NUDCD1: variants seen among roughly 807,000 people sequenced by gnomAD.
The protein encoded by NUDCD1 is NudC domain containing 1, also known as nudC domain-containing protein 1.
A neutral mutation model predicts 67.8 loss-of-function variants in NUDCD1; 60 were observed. The observed-to-expected ratio is 0.88, with a 90% confidence interval of 0.72 to 1.10. The LOEUF (loss-of-function observed/expected upper bound fraction) is 1.10, where lower values mean the gene tolerates loss of function less well. Among genes scored for constraint, NUDCD1 ranks in the 50% least tolerant of loss-of-function variants. The probability of loss-of-function intolerance (pLI) is 0.00; values close to 1 mark genes in which losing one functional copy is unlikely to be tolerated. For missense variants in NUDCD1, 643 were observed against 695.0 expected (o/e 0.93, Z 0.84); for synonymous variants, 244 against 230.8 (o/e 1.06, Z -0.52).
At chr8:109,245,719 C>T (rs1218410501) in intron 8 of NUDCD1, among the ~76,000 whole-genome samples, 1 of 152,118 alleles carries the variant, frequency 6.6e-6, no homozygotes, top group East Asian at 1.9e-4. Context: ...GTCAGCCTGG[C>T]CATAAGTCAT....
intron 2 of NUDCD1, 45 bp downstream of exon 2, chr8:109,322,264 G>A (rs1273885193): frequency 1.9e-6 from 2 of 1,065,022 alleles, no homozygotes; most frequent in Admixed American, 2.2e-5. Context: ...AAATTTGCTT[G>A]ATATTACATA....
chr8:109,266,540 G>A (rs567590304), intron 8 of NUDCD1, among the ~76,000 whole-genome samples: 8 of 151,856 alleles, frequency 5.3e-5, no homozygotes, highest in East Asian at 1.9e-4. Context: ...CACCTCGCCC[G>A]GCTATTTGTA....
chr8:109,282,936 A>G (rs931613451), intron 5 of NUDCD1, among the ~76,000 whole-genome samples: 3 of 152,182 alleles, frequency 2.0e-5, no homozygotes, highest in Non-Finnish European at 4.4e-5. Flanking sequence ...CTTTCTAGAA[A>G]TGGTCCTTAA....
chr8:109,283,607 GGA>G (rs1049410794), intron 5 of NUDCD1, among the ~76,000 whole-genome samples: 5 of 152,206 alleles, frequency 3.3e-5, no homozygotes, highest in South Asian at 2.1e-4. Context: ...TCACAAGCCA[GGA>G]GAGATTGAGA....
rs911168204 is a variant in NUDCD1 at position 109,303,917 on chromosome 8, G to A, written c.274-7348C>T. On this transcript the variant is annotated intron_variant, in intron 2 of 9. Coordinates refer to ENST00000239690, the MANE Select transcript of NUDCD1 (RefSeq NM_032869.4). ...CCCCCATTTCACCTGTCCAAAAACTGGACAAGTCTTACAGGTTAGTTCAGG... is the reference window on the plus strand; with the variant it reads ...CCCCCATTTCACCTGTCCAAAAACTAGACAAGTCTTACAGGTTAGTTCAGG... Among the ~76,000 whole-genome samples, 5 of 152,134 alleles carry A rather than the reference G, an allele frequency of 3.3e-5. No homozygotes were observed. In the South Asian group the frequency reaches 6.2e-4, roughly 19 times the overall value.
chr8:109,327,863 T>A (rs1219065107), intron 1 of NUDCD1, among the ~76,000 whole-genome samples: 2 of 152,224 alleles, frequency 1.3e-5, no homozygotes, highest in Non-Finnish European at 2.9e-5. Flanking sequence ...AGCAGAGCTC[T>A]CCCCTACCTT....
chr8:109,260,670 G>A (rs1813845709), intron 8 of NUDCD1, among the ~76,000 whole-genome samples: 1 of 152,170 alleles, frequency 6.6e-6, no homozygotes, highest in Non-Finnish European at 1.5e-5. Flanking sequence ...GTATTAAGTA[G>A]TATTGCTACG....
intron 2 of NUDCD1, among the ~76,000 whole-genome samples, chr8:109,305,261 T>C (rs1815077463): frequency 6.6e-6 from 1 of 152,160 alleles, no homozygotes; most frequent in Admixed American, 6.5e-5. Context: ...ACTGGATGGG[T>C]AGAAGCCTTT....
intron 8 of NUDCD1, among the ~76,000 whole-genome samples, chr8:109,259,497 C>G (rs536681230): frequency 6.6e-6 from 1 of 152,254 alleles, no homozygotes; most frequent in South Asian, 2.1e-4. Context: ...AAAGGGCTCC[C>G]TGGAGGAGAA....
chr8:109,311,559 G>GTGTATATATATATATATATATATATA lies in NUDCD1; in HGVS notation c.273+10749_273+10750insTATATATATATATATATATATATACA. On this transcript the variant is annotated intron_variant, in intron 2 of 9. Transcript: ENST00000239690. ...AATGAGTGGATAAAGAAACTGTGGTGTATATATATATATGATGGGATACTG... is the reference window on the plus strand; with the variant it reads ...AATGAGTGGATAAAGAAACTGTGGTGTGTATATATATATATATATATATATATATATATATATATGATGGGATACTG... 4.6e-4 allele frequency among the ~76,000 whole-genome samples: 57 copies of GTGTATATATATATATATATATATATA among 125,130 alleles called. 5 individuals carry two copies. The highest frequency in any genetic ancestry group is 1.7e-3 in the African/African-American group (50 of 28,738). 82.1% of individuals were successfully genotyped at this position (125,130 alleles called of 152,430 possible).
At chr8:109,330,739 G>A (rs1281054176) in intron 1 of NUDCD1, among the ~76,000 whole-genome samples, 3 of 152,156 alleles carry the variant, frequency 2.0e-5, no homozygotes, top group Non-Finnish European at 4.4e-5. Context: ...CCTTCAAAGG[G>A]ACATGGAAGG....
At chr8:109,274,061 T>G (rs958238063) in intron 7 of NUDCD1, among the ~76,000 whole-genome samples, 1 of 152,076 alleles carries the variant, frequency 6.6e-6, no homozygotes, top group East Asian at 1.9e-4. Context: ...AGAAGAAAAT[T>G]TCTTCAATGT....
chr8:109,321,089 A>C (rs1162278060), intron 2 of NUDCD1, among the ~76,000 whole-genome samples: 1 of 152,240 alleles, frequency 6.6e-6, no homozygotes, highest in Non-Finnish European at 1.5e-5. Context: ...AAAAACATGG[A>C]TTTTGCCATG....
chr8:109,311,224 C>T (rs1430677156), intron 2 of NUDCD1, among the ~76,000 whole-genome samples: 1 of 152,132 alleles, frequency 6.6e-6, no homozygotes, highest in Non-Finnish European at 1.5e-5. Flanking sequence ...TGCGATACCC[C>T]CAACTTAGTC....
chr8:109,298,890 T>C (rs1814909523), intron 2 of NUDCD1: 1 of 152,092 alleles, frequency 6.6e-6, no homozygotes, highest in African/African-American at 2.4e-5. Context: ...CTGAAGGAAG[T>C]GGATTGCTCC....
chr8:109,269,559 G>A (rs531285144), intron 8 of NUDCD1, among the ~76,000 whole-genome samples: 3 of 152,168 alleles, frequency 2.0e-5, no homozygotes, highest in East Asian at 3.9e-4. Context: ...TTTTAACTTC[G>A]GTTACATGAA....
chr8:109,261,387 G>C (rs1431153813), intron 8 of NUDCD1, among the ~76,000 whole-genome samples: 1 of 152,046 alleles, frequency 6.6e-6, no homozygotes, highest in East Asian at 1.9e-4. Context: ...TGAAAACTAT[G>C]TAAGAGTCAA....
chr8:109,292,667 A>C (rs1017558169), intron 4 of NUDCD1, among the ~76,000 whole-genome samples: 1 of 152,140 alleles, frequency 6.6e-6, no homozygotes, highest in Non-Finnish European at 1.5e-5. Context: ...ACAGTTAAAA[A>C]GAAAACACTC....
chr8:109,277,386 GCA>G (rs764861802), intron 6 of NUDCD1, among the ~76,000 whole-genome samples: 4 of 151,920 alleles, frequency 2.6e-5, no homozygotes, highest in Non-Finnish European at 5.9e-5. Flanking sequence ...TCATTAATTT[GCA>G]CAGTTAATCA....
Sources: gnomAD v4.1 joint callset for allele counts (sites outside exome capture counted in the v4.1 genomes callset) on GRCh38, gnomAD v4.1.1 for gene constraint, MANE v1.5 for transcripts, NCBI Gene and HGNC (gene_info 2026-07-23, HGNC 2026-07-21) for gene names.